The following GNAQ variants were observed in gnomAD, a reference collection of about 807,000 sequenced individuals.
The protein encoded by GNAQ is guanine nucleotide-binding protein G(q) subunit alpha.
Under a neutral mutation model 43.9 loss-of-function variants are expected in GNAQ, and 8 were observed. That is an observed-to-expected ratio of 0.18 (90% CI 0.11 to 0.33). GNAQ has a LOEUF of 0.33. Among genes scored for constraint, GNAQ ranks in the 10% least tolerant of loss-of-function variants. The probability of loss-of-function intolerance (pLI) is 1.00; values close to 1 mark genes in which losing one functional copy is unlikely to be tolerated. For synonymous variants in GNAQ, 155 were observed against 170.7 expected, an observed-to-expected ratio of 0.91 and a Z score of 0.71; for missense variants, 158 against 450.8, an observed-to-expected ratio of 0.35 and a Z score of 5.88.
intron 1 of GNAQ, among the ~76,000 whole-genome samples, chr9:77,947,601 C>T (rs1034960208): frequency 6.6e-6 from 1 of 152,198 alleles, no homozygotes; most frequent in Non-Finnish European, 1.5e-5. Context: ...AGCTATTACC[C>T]ATACATGCCC....
rs1564143567 is a variant in GNAQ, at chr9:77,894,359, T to TATATA, written c.321+27797_321+27801dup. ...TATATTATATATATTTAATAGAAAA[T>TATATA]ATATATATTATATATATATTTAATA... On this transcript the variant is annotated intron_variant, in intron 2 of 6. Transcript: ENST00000286548. Among the ~76,000 whole-genome samples, 105 of 25,676 alleles carry TATATA rather than the reference T, an allele frequency of 4.1e-3. 13 individuals carry two copies. Among genetic ancestry groups the TATATA allele is most frequent in the African/African-American group, 6.9e-3 (102 of 14,816 alleles). 16.8% of individuals were successfully genotyped at this position (25,676 alleles called of 152,430 possible).
intron 3 of GNAQ, 104 bp downstream of exon 3, chr9:77,815,512 A>T (rs1419605156): frequency 1.5e-6 from 1 of 673,842 alleles, no homozygotes; most frequent in East Asian, 2.8e-5. Context: ...AGTTTTAATC[A>T]TATATGACAT....
chr9:78,015,690 T>C (rs1283806313), intron 1 of GNAQ, among the ~76,000 whole-genome samples: 10 of 151,812 alleles, frequency 6.6e-5, no homozygotes, highest in Admixed American at 6.6e-4. Context: ...CAAAATGACC[T>C]CAGAATAAAT....
At chr9:77,812,327 C>G (rs1027614651) in intron 3 of GNAQ, among the ~76,000 whole-genome samples, 3 of 152,206 alleles carry the variant, frequency 2.0e-5, no homozygotes, top group African/African-American at 7.2e-5. Flanking sequence ...TGCCACTACC[C>G]TAACGCCATG....
intron 2 of GNAQ, among the ~76,000 whole-genome samples, chr9:77,919,985 A>G (rs745315808): frequency 4.6e-5 from 7 of 152,148 alleles, no homozygotes; most frequent in Non-Finnish European, 1.0e-4. Flanking sequence ...CTAAAAATAT[A>G]AAAATTAGCT....
At chr9:77,943,393 T>C (rs921371324) in intron 1 of GNAQ, among the ~76,000 whole-genome samples, 2 of 152,248 alleles carry the variant, frequency 1.3e-5, no homozygotes, top group African/African-American at 4.8e-5. Flanking sequence ...AAATGTAACA[T>C]GACACGGGCA....
At chr9:77,799,159 G>T (rs1245682375) in intron 3 of GNAQ, among the ~76,000 whole-genome samples, 1 of 152,126 alleles carries the variant, frequency 6.6e-6, no homozygotes, top group African/African-American at 2.4e-5. Flanking sequence ...CTTTGTCCTG[G>T]AAAGGATGGG....
intron 5 of GNAQ, among the ~76,000 whole-genome samples, chr9:77,750,757 T>C (rs1050021066): frequency 5.3e-5 from 8 of 152,198 alleles, no homozygotes; most frequent in African/African-American, 1.9e-4. Flanking sequence ...TAATTGGTCA[T>C]GTAAATATTA....
chr9:77,870,324 GTTTTTTTTTT>G (rs781464413), intron 2 of GNAQ, among the ~76,000 whole-genome samples: 11 of 111,110 alleles, frequency 9.9e-5, no homozygotes, highest in Middle Eastern at 5.2e-3. Flanking sequence ...TTTGGTGCTA[GTTTTTTTTTT>G]TTTTTTTTTT....
intron 5 of GNAQ, among the ~76,000 whole-genome samples, chr9:77,764,098 T>G (rs1315846250): frequency 6.6e-6 from 1 of 152,158 alleles, no homozygotes; most frequent in East Asian, 1.9e-4. Flanking sequence ...TTCCATTCAT[T>G]TTATGATCAA....
chr9:77,722,868 T>A (rs1436029370), intron 6 of GNAQ, among the ~76,000 whole-genome samples: 2 of 152,160 alleles, frequency 1.3e-5, no homozygotes, highest in East Asian at 3.9e-4. Context: ...TGTCTTGAAC[T>A]TCTGGCCTCA....
In GNAQ at chr9:78,017,308, G is replaced by A. The variant is rs547321564; in HGVS notation, c.136+13792C>T. On this transcript the variant is annotated intron_variant, in intron 1 of 6. Coordinates refer to ENST00000286548, the MANE Select transcript of GNAQ (RefSeq NM_002072.5). The stretch of plus-strand genomic sequence containing the variant: ...AAAAAAATGATCAAAACTGGCTTTC[G>A]TGAGCAGGTACAAACTAGCTGCATC... Among the ~76,000 whole-genome samples the A allele has an allele frequency of 1.1e-4, 16 of 152,292 alleles. 1 individual carries two copies. The highest frequency in any genetic ancestry group is 2.0e-4 in the Admixed American group (3 of 15,302).
intron 5 of GNAQ, among the ~76,000 whole-genome samples, chr9:77,780,093 C>T (rs1426992230): frequency 6.6e-6 from 1 of 151,848 alleles, no homozygotes; most frequent in Non-Finnish European, 1.5e-5. Context: ...ATCAGCATAT[C>T]CATCATCTCA....
rs10578686 is a variant in GNAQ at position 77,810,207 on chromosome 9, CATCTATCTATCTATCTATCT to C, written c.476+5389_476+5408del. ...TCTATCTTATCTAAAAACTGTCAAT[CATCTATCTATCTATCTATCT>C]ATCTATCTATCTATCTATCTATCTA... On this transcript the variant is annotated intron_variant, in intron 3 of 6. Coordinates refer to ENST00000286548, the MANE Select transcript of GNAQ (RefSeq NM_002072.5). Among the ~76,000 whole-genome samples, 935 of 144,958 alleles carry C rather than the reference CATCTATCTATCTATCTATCT, an allele frequency of 6.5e-3. 7 individuals are homozygous for C. The highest frequency in any genetic ancestry group is 0.016 in the South Asian group (70 of 4,318).
At chr9:77,894,639 T>C (rs1828471019) in intron 2 of GNAQ, among the ~76,000 whole-genome samples, 1 of 150,884 alleles carries the variant, frequency 6.6e-6, no homozygotes, top group African/African-American at 2.4e-5. Flanking sequence ...ACCAGGAAGG[T>C]CTAGATCCCT....
At chr9:77,891,368 C>T (rs1398868494) in intron 2 of GNAQ, among the ~76,000 whole-genome samples, 1 of 152,004 alleles carries the variant, frequency 6.6e-6, no homozygotes, top group Non-Finnish European at 1.5e-5. Flanking sequence ...ATTTCCTTTA[C>T]CTAAAATAGG....
chr9:77,892,204 C>T (rs1828417787), intron 2 of GNAQ, among the ~76,000 whole-genome samples: 1 of 152,180 alleles, frequency 6.6e-6, no homozygotes, highest in African/African-American at 2.4e-5. Context: ...CGTTATCTGT[C>T]ACAGTGGGGC....
chr9:77,983,672 C>A (rs1350405656), intron 1 of GNAQ, among the ~76,000 whole-genome samples: 4 of 152,146 alleles, frequency 2.6e-5, no homozygotes, highest in African/African-American at 9.7e-5. Flanking sequence ...CTGAGCAGCT[C>A]ATTTTCTGGC....
At chr9:77,882,041 G>A (rs528821070) in intron 2 of GNAQ, among the ~76,000 whole-genome samples, 5 of 152,110 alleles carry the variant, frequency 3.3e-5, no homozygotes, top group South Asian at 2.1e-4. Flanking sequence ...GAGAGGCTGC[G>A]GCAGGAGAAC....
Sources: allele counts gnomAD v4.1 joint callset (sites outside exome capture counted in the v4.1 genomes callset), GRCh38; gene constraint gnomAD v4.1.1; transcripts MANE v1.5; gene names NCBI Gene and HGNC (gene_info 2026-07-23, HGNC 2026-07-21).